The following PPP1R12B variants were observed in gnomAD, a reference collection of about 807,000 sequenced individuals.
The protein encoded by PPP1R12B is myosin phosphatase target subunit 2.
Under a neutral mutation model 126.1 loss-of-function variants are expected in PPP1R12B, and 76 were observed. The observed-to-expected ratio is 0.60, with a 90% CI of 0.50 to 0.73. The LOEUF is 0.73. Ranked by LOEUF, PPP1R12B falls within the 30% of genes least tolerant of loss-of-function variation. PPP1R12B has a pLI of 0.00. For missense variants in PPP1R12B, 1,052 were observed against 1,205.1 expected, an observed-to-expected ratio of 0.87 and a Z score of 1.88; for synonymous variants, 356 against 434.7, an observed-to-expected ratio of 0.82 and a Z score of 2.25.
intron 1 of PPP1R12B, among the ~76,000 whole-genome samples, chr1:202,404,035 T>A (rs1326056789): frequency 6.6e-6 from 1 of 152,112 alleles, no homozygotes; most frequent in East Asian, 1.9e-4. Flanking sequence ...CTCTCATGAG[T>A]TTTTCCCTCC....
chr1:202,376,182 AT>A (rs1661151190), intron 1 of PPP1R12B, among the ~76,000 whole-genome samples: 2 of 152,314 alleles, frequency 1.3e-5, no homozygotes, highest in South Asian at 4.1e-4. Context: ...TTGCTTAAAA[AT>A]ATTTGATTTT....
chr1:202,479,038 A>G (rs1178845485), intron 13 of PPP1R12B, among the ~76,000 whole-genome samples: 1 of 152,236 alleles, frequency 6.6e-6, no homozygotes, highest in Non-Finnish European at 1.5e-5. Flanking sequence ...CTGGTAATCT[A>G]GACAGAAATT....
chr1:202,576,746 T>C (rs561886075), intron 23 of PPP1R12B: 2 of 152,308 alleles, frequency 1.3e-5, no homozygotes, highest in Non-Finnish European at 2.9e-5. Context: ...ACCTTAACAG[T>C]TGTCATTTAT....
At chr1:202,452,049 GC>G (rs935546329) in intron 13 of PPP1R12B, among the ~76,000 whole-genome samples, 6 of 150,862 alleles carry the variant, frequency 4.0e-5, no homozygotes, top group Admixed American at 2.6e-4. Flanking sequence ...GGGCAGAGGC[GC>G]TCCTCACATC....
At chr1:202,503,403 T>C (rs1680437905) in intron 18 of PPP1R12B, among the ~76,000 whole-genome samples, 1 of 152,210 alleles carries the variant, frequency 6.6e-6, no homozygotes, top group Non-Finnish European at 1.5e-5. Context: ...GGTTTTAGAA[T>C]TGTTAAATCT....
At chr1:202,538,144 C>T (rs1684740704) in intron 18 of PPP1R12B, among the ~76,000 whole-genome samples, 1 of 152,156 alleles carries the variant, frequency 6.6e-6, no homozygotes, top group Admixed American at 6.5e-5. Flanking sequence ...CAGGTGCCCC[C>T]CACAATGCCT....
chr1:202,427,595 A>G (rs1669700634), intron 5 of PPP1R12B, among the ~76,000 whole-genome samples: 2 of 152,134 alleles, frequency 1.3e-5, no homozygotes, highest in Admixed American at 6.5e-5. Context: ...GTCTCACTTC[A>G]AACAACTTAG....
At chr1:202,414,129 C>T (rs1175834465) in intron 1 of PPP1R12B, among the ~76,000 whole-genome samples, 2 of 152,212 alleles carry the variant, frequency 1.3e-5, no homozygotes, top group African/African-American at 2.4e-5. Flanking sequence ...ACCATGTTGG[C>T]TAGGCTGGTC....
intron 18 of PPP1R12B, among the ~76,000 whole-genome samples, chr1:202,537,076 T>A (rs1226419534): frequency 6.6e-6 from 1 of 152,150 alleles, no homozygotes; most frequent in Non-Finnish European, 1.5e-5. Flanking sequence ...AGGCCGGGCA[T>A]AGTGGCTCAC....
intron 9 of PPP1R12B, among the ~76,000 whole-genome samples, chr1:202,435,609 T>G (rs1032934907): frequency 6.6e-6 from 1 of 152,192 alleles, no homozygotes; most frequent in African/African-American, 2.4e-5. Context: ...AGGCTTCTAG[T>G]CAGTGAGAGT....
At chr1:202,425,468 T>C in intron 3 of PPP1R12B, 98 bp from the exon 4 acceptor site, 1 of 1,289,212 alleles carries the variant, frequency 7.8e-7, no homozygotes, top group Non-Finnish European at 1.1e-6. Context: ...TTGTTATTTG[T>C]ATTTATGTTT....
rs189151022 is a variant in PPP1R12B, at chr1:202,528,343, T to C, written c.2491-30534T>C. 1.5e-3 allele frequency among the ~76,000 whole-genome samples: 223 copies of C among 152,316 alleles called. 2 individuals are homozygous for C. The highest frequency in any genetic ancestry group is 3.4e-4 in the Non-Finnish European group (23 of 68,032). On this transcript the variant is annotated intron_variant, in intron 18 of 23. Transcript: ENST00000608999. The stretch of plus-strand genomic sequence containing the variant: ...GTTAGCTCTTACATGCCCTTTGTGC[T>C]CAAAGAGAACAATTTGTGGTTGTTG...
intron 1 of PPP1R12B, among the ~76,000 whole-genome samples, chr1:202,374,464 C>T (rs1660813204): frequency 6.9e-6 from 1 of 145,150 alleles, no homozygotes; most frequent in African/African-American, 2.5e-5. Context: ...ATATGTTAAT[C>T]AAATCCATCT....
chr1:202,522,519 C>A (rs980623633), intron 18 of PPP1R12B, among the ~76,000 whole-genome samples: 2 of 151,788 alleles, frequency 1.3e-5, no homozygotes, highest in Non-Finnish European at 2.9e-5. Context: ...ATTTTAAATG[C>A]TTTCACTCCA....
At chr1:202,394,292 G>A (rs911601959) in intron 1 of PPP1R12B, among the ~76,000 whole-genome samples, 1 of 151,910 alleles carries the variant, frequency 6.6e-6, no homozygotes, top group Admixed American at 6.6e-5. Flanking sequence ...GCGACACAGC[G>A]AGACTCCATC....
At chr1:202,478,002 C>A (rs1460466335) in intron 13 of PPP1R12B, among the ~76,000 whole-genome samples, 1 of 152,122 alleles carries the variant, frequency 6.6e-6, no homozygotes, top group Non-Finnish European at 1.5e-5. Flanking sequence ...GAAGCCATGG[C>A]TTCCATTATT....
At chr1:202,540,331 C>T in intron 18 of PPP1R12B, 4 of 1,094,908 alleles carry the variant, frequency 3.7e-6, no homozygotes, top group Non-Finnish European at 3.9e-6. Flanking sequence ...AGGTTTAGAG[C>T]AAAGGGATTT....
rs1689708241 is a variant in PPP1R12B at position 202,584,482 on chromosome 1, T to TA, written c.*3924dup. 1 of 152,184 alleles carries TA rather than the reference T, an allele frequency of 6.6e-6. No homozygotes were observed. The highest frequency in any genetic ancestry group is 2.4e-5 in the African/African-American group (1 of 41,434). The allele number at this position is 152,184 out of a possible 1,614,324, so 9.4% of individuals were successfully genotyped here. A position where few individuals can be genotyped will look rare whatever the true frequency, so the allele number is the denominator to read the frequency against. On this transcript the variant is annotated 3_prime_UTR_variant, in exon 24 of 24. Transcript: ENST00000608999. ...TGACTGTTTCTCCACTAGAGGCATT[T>TA]AATTGAGCCAAAGATGATGGAAGAA...
chr1:202,553,487 C>G (rs576713660), intron 18 of PPP1R12B, among the ~76,000 whole-genome samples: 24 of 152,268 alleles, frequency 1.6e-4, no homozygotes, highest in African/African-American at 5.8e-4. Flanking sequence ...TGTGAATTAA[C>G]CTACCAATTG....
Sources: allele counts gnomAD v4.1 joint callset (sites outside exome capture counted in the v4.1 genomes callset), GRCh38; gene constraint gnomAD v4.1.1; transcripts MANE v1.5; gene names NCBI Gene and HGNC (gene_info 2026-07-23, HGNC 2026-07-21).